SGIP1: variants seen among roughly 807,000 people sequenced by gnomAD.
SGIP1 encodes the protein SH3-containing GRB2-like protein 3-interacting protein 1.
Under a neutral mutation model 107.5 loss-of-function variants are expected in SGIP1, and 38 were observed. The observed-to-expected ratio is 0.35, with a 90% CI of 0.27 to 0.46. The LOEUF (loss-of-function observed/expected upper bound fraction) is 0.46, where lower values mean the gene tolerates loss of function less well. Ranked by LOEUF, SGIP1 falls within the 20% of genes least tolerant of loss-of-function variation. The probability of loss-of-function intolerance (pLI) is 1.00; values close to 1 mark genes in which losing one functional copy is unlikely to be tolerated. For synonymous variants in SGIP1, 365 were observed against 366.1 expected (o/e 1.00, Z 0.03); for missense variants, 929 against 1,019.5 (o/e 0.91, Z 1.21).
intron 18 of SGIP1, among the ~76,000 whole-genome samples, chr1:66,699,350 G>A (rs1350241695): frequency 6.6e-6 from 1 of 152,096 alleles, no homozygotes; most frequent in Non-Finnish European, 1.5e-5. Flanking sequence ...GCTGTTAACA[G>A]TTGACTGCAG....
At chr1:66,673,143 T>C in intron 11 of SGIP1, 138 bp from the exon 12 acceptor site, 1 of 793,452 alleles carries the variant, frequency 1.3e-6, no homozygotes, top group Non-Finnish European at 2.1e-6. Flanking sequence ...CTAACGGGGC[T>C]TGTATACACA....
intron 1 of SGIP1, among the ~76,000 whole-genome samples, chr1:66,536,060 C>T (rs1384080384): frequency 1.3e-5 from 2 of 152,188 alleles, no homozygotes; most frequent in Non-Finnish European, 2.9e-5. Flanking sequence ...GAATGATTCT[C>T]CTGGTAATAT....
chr1:66,663,141 G>A (rs185613729), intron 8 of SGIP1, among the ~76,000 whole-genome samples: 2 of 151,948 alleles, frequency 1.3e-5, no homozygotes, highest in African/African-American at 2.4e-5. Context: ...CTCACGTGGC[G>A]CACATGGGGT....
chr1:66,667,205 A>AACTTCT (rs759522803), intron 8 of SGIP1, among the ~76,000 whole-genome samples: 6 of 152,114 alleles, frequency 3.9e-5, no homozygotes, highest in Non-Finnish European at 7.4e-5. Flanking sequence ...TCTGGAGAAA[A>AACTTCT]ACTTCTACGG....
In SGIP1 at chr1:66,740,704, C is replaced by A; in HGVS notation, c.2281C>A (p.Gln761Lys). ...RILWKIPDISQKSENGGVGSL... is the reference protein window; with the variant it reads ...RILWKIPDISKKSENGGVGSL... ...ATTGTGGAAGATTCCTGATATCTCTCAGAAGTCAGAAAATGGAGGTAATGG... is the reference window on the plus strand; with the variant it reads ...ATTGTGGAAGATTCCTGATATCTCTAAGAAGTCAGAAAATGGAGGTAATGG... The change falls in exon 23 of 25, where the codon CAG (glutamine) becomes AAG (lysine). Residue 761 changes from glutamine to lysine, a missense_variant. Coordinates refer to ENST00000371037, the MANE Select transcript of SGIP1 (RefSeq NM_032291.4). 6.2e-7 allele frequency: 1 copy of A among 1,605,988 alleles called. No individual in the cohort carries two copies. The highest frequency in any genetic ancestry group is 1.1e-5 in the South Asian group (1 of 90,364).
intron 19 of SGIP1, among the ~76,000 whole-genome samples, chr1:66,726,074 C>T (rs1572295770): frequency 6.6e-6 from 1 of 152,178 alleles, no homozygotes; most frequent in African/African-American, 2.4e-5. Context: ...GCTTGCAAAA[C>T]CTACACTCTG....
intron 2 of SGIP1, among the ~76,000 whole-genome samples, chr1:66,631,375 T>C (rs1029620104): frequency 2.6e-5 from 4 of 152,226 alleles, no homozygotes; most frequent in African/African-American, 7.2e-5. Flanking sequence ...TTTTTCAAAC[T>C]GGTTAATTTC....
chr1:66,630,542 C>T (rs548417338), intron 2 of SGIP1, among the ~76,000 whole-genome samples: 32 of 152,014 alleles, frequency 2.1e-4, no homozygotes, highest in African/African-American at 7.7e-4. Flanking sequence ...CACCGTGGCT[C>T]ACACCTGTAA....
In SGIP1 at chr1:66,680,919, G is replaced by C. The variant is rs192607203; in HGVS notation, c.815-950G>C. Among the ~76,000 whole-genome samples the C allele has an allele frequency of 1.3e-3, 205 of 152,218 alleles. 1 individual carries two copies. The highest frequency in any genetic ancestry group is 4.9e-3 in the African/African-American group (202 of 41,542). ...ATAATCTCAGTTTTTAAAAAGTGCA[G>C]TTCTTCATACAGAGCTGTAGAAGAT... On this transcript the variant is annotated intron_variant, in intron 14 of 24. Coordinates refer to ENST00000371037, the MANE Select transcript of SGIP1 (RefSeq NM_032291.4).
intron 15 of SGIP1, 105 bp from the exon 16 acceptor site, chr1:66,689,043 A>G: frequency 5.3e-6 from 7 of 1,325,140 alleles, no homozygotes; most frequent in Non-Finnish European, 7.0e-6. Context: ...AGTAACTGCC[A>G]AGGCAAAAAA....
chr1:66,579,902 C>G (rs1412088484), intron 1 of SGIP1, among the ~76,000 whole-genome samples: 1 of 152,034 alleles, frequency 6.6e-6, no homozygotes, highest in Non-Finnish European at 1.5e-5. Flanking sequence ...TTCCTGATTT[C>G]TCTCCATTTT....
At chr1:66,657,776 C>T (rs6659968) in intron 7 of SGIP1, among the ~76,000 whole-genome samples, 98,501 of 152,004 alleles carry the variant, frequency 0.65, 32,844 homozygotes, top group East Asian at 1. Flanking sequence ...TAAATTTATG[C>T]TTTACTCCAA....
chr1:66,573,367 A>T (rs1021931296), intron 1 of SGIP1, among the ~76,000 whole-genome samples: 2 of 152,132 alleles, frequency 1.3e-5, no homozygotes, highest in Non-Finnish European at 2.9e-5. Flanking sequence ...TCAAAGACTT[A>T]AAAACAGAAA....
At position 66,565,881 on chromosome 1, in the gene SGIP1, T is replaced by A. The variant is rs1156618; in HGVS notation, c.10+31513T>A. 4.1e-4 allele frequency among the ~76,000 whole-genome samples: 63 copies of A among 151,886 alleles called. No individual in the cohort carries two copies. In the South Asian group the frequency reaches 0.013, roughly 31 times the overall value. On this transcript the variant is annotated intron_variant, in intron 1 of 24. Transcript: ENST00000371037. ...TCAAGAAAAACATTATTAATGCTAC[T>A]ATGTTATATTTCTAGAAGAAAGTAG...
At chr1:66,587,573 C>A (rs1278777607) in intron 1 of SGIP1, among the ~76,000 whole-genome samples, 2 of 152,022 alleles carry the variant, frequency 1.3e-5, no homozygotes, top group African/African-American at 4.8e-5. Context: ...CGTTGAAAAC[C>A]CCTGTTCATA....
At chr1:66,579,354 A>T (rs2061510423) in intron 1 of SGIP1, among the ~76,000 whole-genome samples, 1 of 152,172 alleles carries the variant, frequency 6.6e-6, no homozygotes, top group South Asian at 2.1e-4. Flanking sequence ...AAGATGGTAG[A>T]CATAGGAATG....
At chr1:66,537,514 G>A (rs1261730842) in intron 1 of SGIP1, among the ~76,000 whole-genome samples, 1 of 152,128 alleles carries the variant, frequency 6.6e-6, no homozygotes, top group African/African-American at 2.4e-5. Context: ...GTCTATTTGT[G>A]AGGGTGTCTA....
chr1:66,634,056 C>G (rs759665284), intron 3 of SGIP1: 6 of 1,572,484 alleles, frequency 3.8e-6, no homozygotes, highest in Non-Finnish European at 5.2e-6. Flanking sequence ...CATTGGGTAA[C>G]ACTATAATCA....
intron 9 of SGIP1, among the ~76,000 whole-genome samples, chr1:66,670,427 A>C (rs1440034335): frequency 6.6e-6 from 1 of 152,180 alleles, no homozygotes; most frequent in Non-Finnish European, 1.5e-5. Context: ...ATAAATTGGG[A>C]GGATGAGTGC....
Sources: allele counts gnomAD v4.1 joint callset (sites outside exome capture counted in the v4.1 genomes callset), GRCh38; gene constraint gnomAD v4.1.1; transcripts MANE v1.5; gene names NCBI Gene and HGNC (gene_info 2026-07-23, HGNC 2026-07-21).